The following RBFOX1 variants were observed in gnomAD, a reference collection of about 807,000 sequenced individuals.
RBFOX1 encodes RNA binding protein fox-1 homolog 1.
In RBFOX1, 8 loss-of-function variants were observed where a neutral mutation model predicts 57.7. The ratio of observed to expected loss-of-function variants is 0.14; its 90% confidence interval spans 0.08 to 0.25. The LOEUF (loss-of-function observed/expected upper bound fraction) is 0.25, where lower values mean the gene tolerates loss of function less well. Ranked by LOEUF, RBFOX1 falls within the 10% of genes least tolerant of loss-of-function variation. The probability of loss-of-function intolerance (pLI) is 1.00; values close to 1 mark genes in which losing one functional copy is unlikely to be tolerated. For missense variants in RBFOX1, 611 were observed against 548.5 expected, an observed-to-expected ratio of 1.11 and a Z score of -1.14; for synonymous variants, 326 against 222.4, an observed-to-expected ratio of 1.47 and a Z score of -4.15.
rs542488907 is a variant in RBFOX1 at position 7,606,182 on chromosome 16, C to T, written c.623-1103C>T. Among the ~76,000 whole-genome samples, 218 of 142,674 alleles carry T rather than the reference C, an allele frequency of 1.5e-3. 1 individual carries two copies. Among genetic ancestry groups the T allele is most frequent in the Admixed American group, 0.01 (133 of 12,934 alleles). The allele number at this position is 142,674 out of a possible 152,430, so 93.6% of individuals were successfully genotyped here. A position where few individuals can be genotyped will look rare whatever the true frequency, so the allele number is the denominator to read the frequency against. ...TGTCACCTGGGCTGGAGTGCAATGG[C>T]GTGATCTCAGCTCACTGCAACCTCT... On this transcript the variant is annotated intron_variant, in intron 9 of 15. Coordinates refer to ENST00000550418, the MANE Select transcript of RBFOX1 (RefSeq NM_018723.4).
intron 1 of RBFOX1, among the ~76,000 whole-genome samples, chr16:5,328,798 A>G (rs968594284): frequency 6.6e-6 from 1 of 152,212 alleles, no homozygotes; most frequent in Non-Finnish European, 1.5e-5. Flanking sequence ...TTTACATGCA[A>G]GAATCAGCCA....
At chr16:5,241,670 T>C (rs1332110852) in intron 1 of RBFOX1, among the ~76,000 whole-genome samples, 2 of 152,206 alleles carry the variant, frequency 1.3e-5, no homozygotes, top group Non-Finnish European at 2.9e-5. Flanking sequence ...ACTGCTGAGA[T>C]TAAGGGAAGC....
intron 2 of RBFOX1, among the ~76,000 whole-genome samples, chr16:5,571,825 T>C (rs7197761): frequency 0.42 from 63,382 of 152,086 alleles, 13,620 homozygotes; most frequent in East Asian, 0.53. Flanking sequence ...CTTCCAAATA[T>C]AGTCTTTTGT....
chr16:5,777,014 G>A (rs9936015), intron 3 of RBFOX1, among the ~76,000 whole-genome samples: 38,516 of 152,142 alleles, frequency 0.25, 5,712 homozygotes, highest in East Asian at 0.55. Flanking sequence ...ACCATATGGT[G>A]TAGCACAGCT....
At chr16:5,916,623 G>A (rs527364363) in intron 4 of RBFOX1, among the ~76,000 whole-genome samples, 1 of 152,202 alleles carries the variant, frequency 6.6e-6, no homozygotes, top group South Asian at 2.1e-4. Flanking sequence ...AGGGGAAGCA[G>A]GAGGAGGAGG....
intron 2 of RBFOX1, among the ~76,000 whole-genome samples, chr16:6,384,064 T>A (rs989516192): frequency 1.4e-5 from 2 of 147,738 alleles, no homozygotes; most frequent in East Asian, 3.9e-4. Flanking sequence ...GTTTTGCTTT[T>A]TTTTTTTTTT....
At chr16:5,798,493 A>G (rs2054951671) in intron 3 of RBFOX1, among the ~76,000 whole-genome samples, 2 of 152,172 alleles carry the variant, frequency 1.3e-5, no homozygotes, top group African/African-American at 4.8e-5. Flanking sequence ...AGGAAAGGAC[A>G]TGCAGACTTG....
At chr16:6,527,154 A>G (rs2096592230) in intron 2 of RBFOX1, among the ~76,000 whole-genome samples, 2 of 152,182 alleles carry the variant, frequency 1.3e-5, no homozygotes, top group East Asian at 3.8e-4. Flanking sequence ...AAAACATTCA[A>G]AAATATAAAA....
intron 4 of RBFOX1, among the ~76,000 whole-genome samples, chr16:7,276,147 G>A (rs769796755): frequency 9.9e-5 from 15 of 152,176 alleles, no homozygotes; most frequent in Non-Finnish European, 1.5e-4. Flanking sequence ...GCAAGGTGGC[G>A]ATTCTGAAAT....
chr16:5,417,135 A>G (rs1029258364), intron 1 of RBFOX1, among the ~76,000 whole-genome samples: 1 of 152,236 alleles, frequency 6.6e-6, no homozygotes, highest in Non-Finnish European at 1.5e-5. Flanking sequence ...ATTAAGATGC[A>G]TATGCCACCT....
Position 7,518,394 on chromosome 16 carries a change from G to C in RBFOX1, c.270+5G>C. On this transcript the variant is annotated splice_donor_5th_base_variant and intron_variant, in intron 5 of 15. Transcript: ENST00000550418. ...ACCGTCTCTGGCACCGCCACAGTAA[G>C]TGGACGTGTTTGCTACGGGTGGGAG... 6.2e-7 allele frequency: 1 copy of C among 1,605,816 alleles called. No homozygotes were observed. Among genetic ancestry groups the C allele is most frequent in the Non-Finnish European group, 8.5e-7 (1 of 1,174,318 alleles).
rs547968991 is a variant in RBFOX1, at chr16:6,882,717, C to G, written c.-15-169340C>G. ...CCATTCAGTTTGGGATATTTGGAGT[C>G]TGACATAACCAACGGCAACCAAAGA... On this transcript the variant is annotated intron_variant, in intron 3 of 15. Transcript: ENST00000550418. Among the ~76,000 whole-genome samples, 5 of 152,228 alleles carry G rather than the reference C, an allele frequency of 3.3e-5. No homozygotes were observed. In the East Asian group the frequency reaches 9.7e-4, roughly 29 times the overall value.
At chr16:7,469,576 T>C (rs2061180707) in intron 4 of RBFOX1, among the ~76,000 whole-genome samples, 1 of 152,280 alleles carries the variant, frequency 6.6e-6, no homozygotes, top group South Asian at 2.1e-4. Context: ...AGTTTTAGAT[T>C]TATTGAAAAG....
chr16:7,382,101 C>A (rs909897279), intron 4 of RBFOX1, among the ~76,000 whole-genome samples: 1 of 152,152 alleles, frequency 6.6e-6, no homozygotes, highest in African/African-American at 2.4e-5. Flanking sequence ...AAAATTCAAC[C>A]TATTCTGAGA....
intron 3 of RBFOX1, among the ~76,000 whole-genome samples, chr16:6,750,171 A>G (rs1180898156): frequency 6.6e-6 from 1 of 152,172 alleles, no homozygotes; most frequent in Non-Finnish European, 1.5e-5. Flanking sequence ...GCAAAATGGG[A>G]TGCAGGAGAA....
At chr16:5,433,214 C>T (rs552408954) in intron 1 of RBFOX1, among the ~76,000 whole-genome samples, 9 of 152,286 alleles carry the variant, frequency 5.9e-5, no homozygotes, top group Non-Finnish European at 1.0e-4. Flanking sequence ...CTCCTTGATT[C>T]TCTTGGAAGC....
At chr16:6,072,429 C>G (rs1354979276) in intron 1 of RBFOX1, among the ~76,000 whole-genome samples, 1 of 152,168 alleles carries the variant, frequency 6.6e-6, no homozygotes, top group African/African-American at 2.4e-5. Context: ...GCAGATATTT[C>G]TTTGCTATCA....
chr16:6,830,739 CTT>C (rs753215247), intron 3 of RBFOX1, among the ~76,000 whole-genome samples: 2 of 152,190 alleles, frequency 1.3e-5, no homozygotes, highest in Non-Finnish European at 2.9e-5. Flanking sequence ...GTTCTCTACT[CTT>C]TGCATTCTGG....
chr16:6,488,439 T>A (rs1426221302), intron 2 of RBFOX1, among the ~76,000 whole-genome samples: 1 of 152,168 alleles, frequency 6.6e-6, no homozygotes, highest in African/African-American at 2.4e-5. Flanking sequence ...ACTTACTGAC[T>A]CCCTCTGTGC....
Sources: gnomAD v4.1 joint callset for allele counts (sites outside exome capture counted in the v4.1 genomes callset) on GRCh38, gnomAD v4.1.1 for gene constraint, MANE v1.5 for transcripts, NCBI Gene and HGNC (gene_info 2026-07-23, HGNC 2026-07-21) for gene names.